The following CNTN1 variants were observed in gnomAD, a reference collection of about 807,000 sequenced individuals.
CNTN1 encodes contactin-1.
Under a neutral mutation model 126.4 loss-of-function variants are expected in CNTN1, and 38 were observed. The observed-to-expected ratio is 0.30, with a 90% CI of 0.23 to 0.39. The LOEUF is 0.39. Ranked by LOEUF, CNTN1 falls within the 10% of genes least tolerant of loss-of-function variation. CNTN1 has a pLI of 1.00. For synonymous variants in CNTN1, 413 were observed against 422.6 expected (o/e 0.98, Z 0.28); for missense variants, 1,009 against 1,248.4 (o/e 0.81, Z 2.89).
At chr12:41,020,599 A>G (rs1948885445) in intron 20 of CNTN1, among the ~76,000 whole-genome samples, 159 bp downstream of exon 20, 1 of 152,146 alleles carries the variant, frequency 6.6e-6, no homozygotes, top group Admixed American at 6.6e-5. Context: ...TTAATTGTTA[A>G]GAATAAAACA....
intron 17 of CNTN1, among the ~76,000 whole-genome samples, chr12:41,004,829 C>T (rs959919297): frequency 6.6e-6 from 1 of 152,160 alleles, no homozygotes. Flanking sequence ...AGTGTCATTG[C>T]ATGTGAGATG....
intron 1 of CNTN1, among the ~76,000 whole-genome samples, chr12:40,800,006 C>T (rs1940585508): frequency 6.6e-6 from 1 of 151,964 alleles, no homozygotes; most frequent in African/African-American, 2.4e-5. Context: ...TAAATATACT[C>T]TCTCTCCCAC....
chr12:40,977,511 T>C (rs1390730580), intron 15 of CNTN1, among the ~76,000 whole-genome samples: 1 of 152,072 alleles, frequency 6.6e-6, no homozygotes, highest in Non-Finnish European at 1.5e-5. Flanking sequence ...GGCTTAGAAT[T>C]TTATTTTTGG....
intron 1 of CNTN1, among the ~76,000 whole-genome samples, chr12:40,774,861 T>G (rs529155111): frequency 2.4e-4 from 37 of 151,672 alleles, no homozygotes; most frequent in African/African-American, 8.0e-4. Flanking sequence ...TTTAAATTTT[T>G]TATTAGTATG....
intron 1 of CNTN1, among the ~76,000 whole-genome samples, chr12:40,798,530 TAA>T (rs774966803): frequency 4.0e-5 from 6 of 151,796 alleles, no homozygotes; most frequent in Non-Finnish European, 5.9e-5. Flanking sequence ...GCCCAAGGTA[TAA>T]AAGTCTATAT....
intron 1 of CNTN1, among the ~76,000 whole-genome samples, chr12:40,774,052 A>G (rs1939480565): frequency 6.6e-6 from 1 of 151,494 alleles, no homozygotes; most frequent in Non-Finnish European, 1.5e-5. Context: ...GCCCTGAAGA[A>G]GCTGGAGTAT....
chr12:40,987,603 A>T (rs1345187585), intron 16 of CNTN1, among the ~76,000 whole-genome samples: 1 of 152,232 alleles, frequency 6.6e-6, no homozygotes, highest in Non-Finnish European at 1.5e-5. Context: ...GGAATAGATT[A>T]TGCAACATGA....
chr12:41,018,099 A>AT (rs1948822592), intron 19 of CNTN1, among the ~76,000 whole-genome samples: 4 of 151,406 alleles, frequency 2.6e-5, no homozygotes, highest in Non-Finnish European at 5.9e-5. Context: ...TCAAAAAAAA[A>AT]AAATAATAAT....
intron 4 of CNTN1, among the ~76,000 whole-genome samples, chr12:40,919,945 T>C (rs1565948574): frequency 6.6e-6 from 1 of 152,150 alleles, no homozygotes; most frequent in Non-Finnish European, 1.5e-5. Context: ...GTAGAACTAA[T>C]AGGATCTGTA....
intron 1 of CNTN1, among the ~76,000 whole-genome samples, chr12:40,877,842 A>T (rs1396832138): frequency 6.6e-6 from 1 of 152,138 alleles, no homozygotes; most frequent in Non-Finnish European, 1.5e-5. Flanking sequence ...TTGAGAAGTG[A>T]CCCAAATTTA....
chr12:40,948,925 T>A (rs1039089023), intron 14 of CNTN1, among the ~76,000 whole-genome samples: 1 of 152,216 alleles, frequency 6.6e-6, no homozygotes, highest in Admixed American at 6.5e-5. Flanking sequence ...TGATCCCCTG[T>A]AGACAGGTAT....
rs756665946 is a variant in CNTN1 at position 41,027,934 on chromosome 12, G to C, written c.2788G>C (p.Ala930Pro). The change falls in exon 22 of 24, where the codon GCA becomes CCA. Residue 930 changes from alanine to proline, a missense_variant. Transcript: ENST00000551295. ...TATAATCACCTGGGATCATGTCGTT[G>C]CACTATCAAATGAATCTACAGTGAC... The part of the protein sequence containing the change: ...RYIITWDHVV[A>P]LSNESTVTGY... The C allele has an allele frequency of 6.2e-7, 1 of 1,612,188 alleles. No homozygotes were observed. The highest frequency in any genetic ancestry group is 8.5e-7 in the Non-Finnish European group (1 of 1,178,408).
chr12:40,945,723 A>T (rs1259202947), intron 14 of CNTN1, among the ~76,000 whole-genome samples: 13 of 130,418 alleles, frequency 1.0e-4, no homozygotes, highest in Non-Finnish European at 1.9e-4. Context: ...AGTCCCCTTT[A>T]AAAAAAAAAA....
intron 1 of CNTN1, among the ~76,000 whole-genome samples, chr12:40,757,724 TC>T (rs1938667795): frequency 6.6e-6 from 1 of 152,084 alleles, no homozygotes; most frequent in Non-Finnish European, 1.5e-5. Flanking sequence ...CTTTGCACAT[TC>T]TTTTAGAAAC....
chr12:40,873,406 T>G (rs1310564234), intron 1 of CNTN1, among the ~76,000 whole-genome samples: 1 of 152,194 alleles, frequency 6.6e-6, no homozygotes, highest in African/African-American at 2.4e-5. Flanking sequence ...TCCTCCTTAT[T>G]GAACACAACT....
chr12:41,035,703 T>C (rs1949243799), intron 23 of CNTN1, among the ~76,000 whole-genome samples: 1 of 152,058 alleles, frequency 6.6e-6, no homozygotes, highest in Non-Finnish European at 1.5e-5. Context: ...TAGGCTGAAA[T>C]CTAAAGGACA....
chr12:40,960,746 T>G (rs963072524), intron 15 of CNTN1, among the ~76,000 whole-genome samples: 10 of 152,120 alleles, frequency 6.6e-5, no homozygotes, highest in Admixed American at 2.6e-4. Flanking sequence ...GGACATTGAT[T>G]GTTTTCAAGA....
At chr12:40,927,207 G>C (rs755796175) in intron 6 of CNTN1, among the ~76,000 whole-genome samples, 37 of 152,008 alleles carry the variant, frequency 2.4e-4, no homozygotes, top group Non-Finnish European at 4.9e-4. Flanking sequence ...ATAATTTTAT[G>C]GTTATTTATT....
At chr12:41,024,279 G>C (rs1275209568) in intron 20 of CNTN1, among the ~76,000 whole-genome samples, 1 of 151,996 alleles carries the variant, frequency 6.6e-6, no homozygotes. Context: ...TTTATAGACA[G>C]GGCATCTAAA....
Sources: gnomAD v4.1 joint callset for allele counts (sites outside exome capture counted in the v4.1 genomes callset) on GRCh38, gnomAD v4.1.1 for gene constraint, MANE v1.5 for transcripts, NCBI Gene and HGNC (gene_info 2026-07-23, HGNC 2026-07-21) for gene names.